Variants in MMP20 observed in about 807,000 individuals in gnomAD.
MMP20 encodes matrix metallopeptidase 20.
In MMP20, 50 loss-of-function variants were observed where a neutral mutation model predicts 51.8. The ratio of observed to expected loss-of-function variants is 0.97; its 90% confidence interval spans 0.77 to 1.22. MMP20 has a LOEUF of 1.22. MMP20 is among the 50% of genes most tolerant of loss of function. The pLI is 0.00. For synonymous variants in MMP20, 244 were observed against 216.2 expected (o/e 1.13, Z -1.13); for missense variants, 663 against 601.4 (o/e 1.10, Z -1.07).
chr11:102,622,291 G>A (rs1859760736), intron 1 of MMP20, among the ~76,000 whole-genome samples: 1 of 152,122 alleles, frequency 6.6e-6, no homozygotes, highest in Middle Eastern at 3.2e-3. Context: ...CAAGAAGAGA[G>A]CATCCCTAAG....
At chr11:102,606,947 G>T in intron 5 of MMP20, 1 of 447,396 alleles carries the variant, frequency 2.2e-6, no homozygotes, top group East Asian at 4.6e-5. Context: ...GCTGTTGTGA[G>T]AATTAAATAA....
chr11:102,599,012 C>CT (rs3046928), intron 6 of MMP20, among the ~76,000 whole-genome samples: 48 of 127,920 alleles, frequency 3.8e-4, no homozygotes, highest in Admixed American at 7.1e-4. Flanking sequence ...TTTCTTCTAT[C>CT]TTTTTTTTTT....
Position 102,601,428 on chromosome 11 carries a change from G to A in MMP20, c.953+5107C>T, listed in dbSNP as rs1859445186. On this transcript the variant is annotated intron_variant, in intron 6 of 9. Coordinates refer to ENST00000260228, the MANE Select transcript of MMP20 (RefSeq NM_004771.4). ...ATTACAGGCGTGAGCCACCGCGCCC[G>A]GCCTCGGCTATTCTTATCGTTATTA... Among the ~76,000 whole-genome samples the A allele has an allele frequency of 1.6e-4, 6 of 37,342 alleles. 2 individuals carry two copies. Among genetic ancestry groups the A allele is most frequent in the African/African-American group, 4.3e-4 (6 of 14,004 alleles). The allele number at this position is 37,342 out of a possible 152,430, so 24.5% of individuals were successfully genotyped here.
chr11:102,605,121 C>A (rs896606831), intron 6 of MMP20: 11 of 152,196 alleles, frequency 7.2e-5, no homozygotes, highest in African/African-American at 2.4e-5. Context: ...GGGACTAGTG[C>A]ACTTATAAGA....
chr11:102,602,203 T>C (rs7935863), intron 6 of MMP20, among the ~76,000 whole-genome samples: 71,819 of 142,296 alleles, frequency 0.5, 18,880 homozygotes, highest in South Asian at 0.66. Flanking sequence ...CTCCTGACCT[T>C]GTGATCTGCC....
chr11:102,594,817 T>C (rs1859362423), intron 6 of MMP20, 60 bp from the exon 7 acceptor site: 1 of 1,582,466 alleles, frequency 6.3e-7, no homozygotes, highest in Non-Finnish European at 8.6e-7. Flanking sequence ...GATTTACATA[T>C]AAAATTGCAC....
chr11:102,622,416 T>C (rs765451068), intron 1 of MMP20, among the ~76,000 whole-genome samples: 2 of 152,160 alleles, frequency 1.3e-5, no homozygotes, highest in Non-Finnish European at 2.9e-5. Context: ...TCTAGTCACA[T>C]GGGCCTGATG....
chr11:102,595,178 C>T (rs1175674722), intron 6 of MMP20, among the ~76,000 whole-genome samples: 1 of 152,086 alleles, frequency 6.6e-6, no homozygotes, highest in Admixed American at 6.5e-5. Flanking sequence ...CCACCTGCCT[C>T]GGCCTCCCAA....
chr11:102,594,904 TTTTC>T (rs1859363659), intron 6 of MMP20, 147 bp from the exon 7 acceptor site: 2 of 849,502 alleles, frequency 2.4e-6, no homozygotes, highest in East Asian at 3.2e-5. Context: ...TTTTTTTCTC[TTTTC>T]TTTTTTTTTT....
chr11:102,578,721 C>T (rs17098619), intron 9 of MMP20, among the ~76,000 whole-genome samples: 5 of 151,710 alleles, frequency 3.3e-5, no homozygotes, highest in African/African-American at 7.3e-5. Context: ...GGCCACAGAG[C>T]GAGACTCCGT....
intron 8 of MMP20, among the ~76,000 whole-genome samples, chr11:102,582,827 G>T (rs1591608156): frequency 1.3e-5 from 2 of 152,292 alleles, no homozygotes; most frequent in South Asian, 4.1e-4. Context: ...AGTATCAAAA[G>T]ATGTTGCAAG....
chr11:102,577,369 T>C lies in MMP20; in HGVS notation c.1409A>G (p.Asp470Gly). The C allele has an allele frequency of 6.2e-7, 1 of 1,614,064 alleles. No individual in the cohort carries two copies. The highest frequency in any genetic ancestry group is 8.5e-7 in the Non-Finnish European group (1 of 1,179,930). Residue 470 changes from aspartate to glycine, a missense_variant, in exon 10 of 10, where the codon GAT (aspartate) becomes GGT (glycine). Asp to Gly is a moderately conservative substitution (Grantham distance 94). Coordinates refer to ENST00000260228, the MANE Select transcript of MMP20 (RefSeq NM_004771.4). ...ACTAGATTTCACCACACTAACCACA[T>C]CTTCCTTCTCTGTGTCATACTTGTA... ...KTYKYDTEKEDVVSVVKSSSW... is the reference protein window; with the variant it reads ...KTYKYDTEKEGVVSVVKSSSW...
At chr11:102,618,122 T>C (rs929318824) in intron 1 of MMP20, among the ~76,000 whole-genome samples, 4 of 152,210 alleles carry the variant, frequency 2.6e-5, no homozygotes, top group African/African-American at 4.8e-5. Context: ...ATAGTTGTTA[T>C]ACTGTATTGT....
chr11:102,610,014 A>T lies in MMP20; in HGVS notation c.540T>A (p.Tyr180Ter), dbSNP rs760661210. The change falls in exon 4 of 10, where the codon TAT becomes TAA. Residue 180 changes from tyrosine to a stop codon, truncating the protein, a stop_gained. Coordinates refer to ENST00000260228, the MANE Select transcript of MMP20 (RefSeq NM_004771.4). LOFTEE classifies it high-confidence loss of function. ...SFENGDHGDS[Y>*]PFDGPRGTLA... Reference sequence around the variant, plus strand: ...GAGTCCCCCGAGGCCCATCGAATGGATAGGAATCCCCGTGATCTAAACAAG... The same window carrying T: ...GAGTCCCCCGAGGCCCATCGAATGGTTAGGAATCCCCGTGATCTAAACAAG... The T allele has an allele frequency of 1.9e-6, 3 of 1,614,020 alleles. No individual in the cohort carries two copies. In the Admixed American group the frequency reaches 5.0e-5, roughly 27 times the overall value.
intron 8 of MMP20, among the ~76,000 whole-genome samples, chr11:102,591,561 C>A (rs1375541905): frequency 6.6e-6 from 1 of 152,178 alleles, no homozygotes; most frequent in Non-Finnish European, 1.5e-5. Flanking sequence ...TCACTTAATA[C>A]CCTCTGTAAC....
At chr11:102,599,940 TGAAGAGCCC>T (rs948436938) in intron 6 of MMP20, among the ~76,000 whole-genome samples, 3 of 152,262 alleles carry the variant, frequency 2.0e-5, no homozygotes, top group Non-Finnish European at 4.4e-5. Flanking sequence ...TGTACCCATC[TGAAGAGCCC>T]GTGAAAATCC....
Position 102,609,939 on chromosome 11 carries a change from G to C in MMP20, c.615C>G (p.Phe205Leu), listed in dbSNP as rs752681494. 10 of 1,613,944 alleles carry C rather than the reference G, an allele frequency of 6.2e-6. No individual in the cohort carries two copies. The highest frequency in any genetic ancestry group is 7.6e-6 in the Non-Finnish European group (9 of 1,180,014). Residue 205 changes from phenylalanine to leucine, a missense_variant, in exon 4 of 10, where the codon TTC becomes TTG. Physicochemically the swap from Phe to Leu is conservative, Grantham distance 22. Coordinates refer to ENST00000260228, the MANE Select transcript of MMP20 (RefSeq NM_004771.4). Reference protein sequence around the residue: ...PGEGLGGDTHFDNAEKWTMGT... With the variant: ...PGEGLGGDTHLDNAEKWTMGT... ...CCATAGTCCACTTCTCAGCATTGTC[G>C]AAATGTGTATCTCCTCCCAGGCCTT...
At chr11:102,623,906 G>T (rs1456902381) in intron 1 of MMP20, among the ~76,000 whole-genome samples, 1 of 152,210 alleles carries the variant, frequency 6.6e-6, no homozygotes. Flanking sequence ...AAGCTAGGTG[G>T]CATGGACAAA....
In MMP20 at chr11:102,623,760, G is replaced by C. The variant is rs560409681; in HGVS notation, c.126+1434C>G. Among the ~76,000 whole-genome samples the C allele has an allele frequency of 1.6e-4, 24 of 152,304 alleles. 1 individual carries two copies. The East Asian group carries it at 4.6e-3, about 29-fold the overall frequency. ...TTTTCCTGAACTGTGGATTAGAAGG[G>C]GGGTCTCCCAACACCTCAGATCCAT... On this transcript the variant is annotated intron_variant, in intron 1 of 9. Coordinates refer to ENST00000260228, the MANE Select transcript of MMP20 (RefSeq NM_004771.4).
Sources: allele counts gnomAD v4.1 joint callset (sites outside exome capture counted in the v4.1 genomes callset), GRCh38; gene constraint gnomAD v4.1.1; transcripts MANE v1.5; gene names NCBI Gene and HGNC (gene_info 2026-07-23, HGNC 2026-07-21).